AKAIN1: variants seen among roughly 807,000 people sequenced by gnomAD.
AKAIN1 encodes A-kinase anchor protein inhibitor 1.
Under a neutral mutation model 3.7 loss-of-function variants are expected in AKAIN1, and 3 were observed. The ratio of observed to expected loss-of-function variants is 0.82; its 90% CI spans 0.37 to 2.12. AKAIN1 has a LOEUF of 2.12. AKAIN1 is among the 30% of genes most tolerant of loss of function. AKAIN1 has a pLI of 0.06. For synonymous variants in AKAIN1, 31 were observed against 30.8 expected (o/e 1.01, Z -0.02); for missense variants, 82 against 82.7 (o/e 0.99, Z 0.03).
chr18:5,143,556 C>G lies in AKAIN1; in HGVS notation c.*2006G>C, dbSNP rs2071032515. 6.6e-6 allele frequency among the ~76,000 whole-genome samples: 1 copy of G among 152,208 alleles called. No homozygotes were observed. Among genetic ancestry groups the G allele is most frequent in the African/African-American group, 2.4e-5 (1 of 41,460 alleles). ...CACAGTGAAGGGCCCATTAAGGAAGCACTTCCCCTGGTCATGATATCTAGG... is the reference window on the plus strand; with the variant it reads ...CACAGTGAAGGGCCCATTAAGGAAGGACTTCCCCTGGTCATGATATCTAGG... On this transcript the variant is annotated 3_prime_UTR_variant, in exon 2 of 2. Transcript: ENST00000434239.
At chr18:5,189,157 A>C (rs1437329079) in intron 1 of AKAIN1, among the ~76,000 whole-genome samples, 1 of 152,146 alleles carries the variant, frequency 6.6e-6, no homozygotes, top group African/African-American at 2.4e-5. Flanking sequence ...CTGTGCAGCA[A>C]GCCTGTGGAG....
chr18:5,170,626 T>C (rs2143347536), intron 1 of AKAIN1: 1 of 152,276 alleles, frequency 6.6e-6, no homozygotes, highest in Middle Eastern at 3.4e-3. Flanking sequence ...AGATTGTTTT[T>C]CAAAATGACC....
chr18:5,180,447 C>T (rs555746890), intron 1 of AKAIN1, among the ~76,000 whole-genome samples: 1 of 152,112 alleles, frequency 6.6e-6, no homozygotes, highest in Middle Eastern at 3.4e-3. Flanking sequence ...CGTGGTCATA[C>T]CAGTTCTTTC....
At chr18:5,185,976 C>T (rs979336456) in intron 1 of AKAIN1, among the ~76,000 whole-genome samples, 1 of 152,130 alleles carries the variant, frequency 6.6e-6, no homozygotes, top group African/African-American at 2.4e-5. Flanking sequence ...GGTATATATA[C>T]ACCATGGAAT....
chr18:5,161,142 C>T (rs2071136893), intron 1 of AKAIN1, among the ~76,000 whole-genome samples: 2 of 152,018 alleles, frequency 1.3e-5, no homozygotes, highest in South Asian at 4.1e-4. Flanking sequence ...ACTGGCTTCA[C>T]TTGGGAAAAT....
intron 1 of AKAIN1, among the ~76,000 whole-genome samples, chr18:5,184,883 C>G (rs2071278280): frequency 2.6e-5 from 4 of 152,012 alleles, no homozygotes; most frequent in South Asian, 2.1e-4. Flanking sequence ...TCCTGAATAG[C>G]CAAGGTAATC....
intron 1 of AKAIN1, among the ~76,000 whole-genome samples, chr18:5,182,050 C>T (rs551683305): frequency 1.3e-5 from 2 of 152,248 alleles, no homozygotes; most frequent in South Asian, 4.1e-4. Context: ...TTCAGATCAG[C>T]AAGATGGCCA....
intron 1 of AKAIN1, among the ~76,000 whole-genome samples, chr18:5,191,823 A>T (rs1331090329): frequency 2.0e-5 from 3 of 152,204 alleles, no homozygotes; most frequent in African/African-American, 7.2e-5. Flanking sequence ...ATCTTTGCAT[A>T]TACATAATGA....
At chr18:5,172,458 T>TA (rs1416012975) in intron 1 of AKAIN1, among the ~76,000 whole-genome samples, 2 of 151,992 alleles carry the variant, frequency 1.3e-5, no homozygotes, top group Non-Finnish European at 1.5e-5. Flanking sequence ...ATTAAAAATT[T>TA]AAAAAAAATT....
At chr18:5,177,454 G>T (rs980501711) in intron 1 of AKAIN1, among the ~76,000 whole-genome samples, 6 of 151,688 alleles carry the variant, frequency 4.0e-5, no homozygotes, top group Admixed American at 6.6e-5. Flanking sequence ...TATTTTTTAG[G>T]GGATGAAGAC....
At chr18:5,178,134 C>T (rs1189005168) in intron 1 of AKAIN1, among the ~76,000 whole-genome samples, 2 of 152,100 alleles carry the variant, frequency 1.3e-5, no homozygotes, top group Non-Finnish European at 2.9e-5. Context: ...GAGGACTGTA[C>T]ATCATCCACT....
At chr18:5,149,734 T>C (rs2071069802) in intron 1 of AKAIN1, among the ~76,000 whole-genome samples, 1 of 152,244 alleles carries the variant, frequency 6.6e-6, no homozygotes, top group Admixed American at 6.5e-5. Context: ...TGACTGACCT[T>C]TGCCATATCT....
At chr18:5,150,797 A>T (rs1264505370) in intron 1 of AKAIN1, among the ~76,000 whole-genome samples, 1 of 152,184 alleles carries the variant, frequency 6.6e-6, no homozygotes, top group African/African-American at 2.4e-5. Context: ...AATTGGTCTA[A>T]TTTCTTATGT....
rs553093719 is a variant in AKAIN1, at chr18:5,145,388, G to A, written c.*174C>T. The A allele has an allele frequency of 1.7e-4, 95 of 560,808 alleles. No individual in the cohort carries two copies. The highest frequency in any genetic ancestry group is 1.6e-3 in the South Asian group (57 of 35,178). The allele number at this position is 560,808 out of a possible 1,614,324, so 34.7% of individuals were successfully genotyped here. A position where few individuals can be genotyped will look rare whatever the true frequency, so the allele number is the denominator to read the frequency against. On this transcript the variant is annotated 3_prime_UTR_variant, in exon 2 of 2. Transcript: ENST00000434239. ...GCACTGCATAAATATGAACAGAATCGTCTAATGCACTTTTTCAAAACAGTG... is the reference window on the plus strand; with the variant it reads ...GCACTGCATAAATATGAACAGAATCATCTAATGCACTTTTTCAAAACAGTG...
chr18:5,161,886 G>T (rs2071141415), intron 1 of AKAIN1, among the ~76,000 whole-genome samples: 1 of 152,058 alleles, frequency 6.6e-6, no homozygotes, highest in Admixed American at 6.6e-5. Flanking sequence ...ACTCAGGTGT[G>T]ATCTATTACT....
intron 1 of AKAIN1, among the ~76,000 whole-genome samples, chr18:5,146,228 C>T (rs774497001): frequency 2.6e-5 from 4 of 152,226 alleles, no homozygotes; most frequent in East Asian, 1.9e-4. Context: ...GTTGCCCTTT[C>T]GCACCTTCCC....
chr18:5,194,596 T>C (rs1469514969), intron 1 of AKAIN1, among the ~76,000 whole-genome samples: 1 of 152,164 alleles, frequency 6.6e-6, no homozygotes, highest in East Asian at 1.9e-4. Flanking sequence ...AGGAGAATCA[T>C]TCAAAGGGAG....
intron 1 of AKAIN1, among the ~76,000 whole-genome samples, chr18:5,175,199 C>G (rs1455627781): frequency 6.6e-6 from 1 of 152,076 alleles, no homozygotes; most frequent in Non-Finnish European, 1.5e-5. Context: ...CCTTGCCTCC[C>G]CATTTGTATA....
chr18:5,196,993 T>C (rs292286), intron 1 of AKAIN1, 45 bp downstream of exon 1: 1,396,226 of 1,502,010 alleles, frequency 0.93, 649,411 homozygotes, highest in East Asian at 1. Flanking sequence ...TCCTCTACCC[T>C]GCTCCCCTCC....
Sources: gnomAD v4.1 joint callset for allele counts (sites outside exome capture counted in the v4.1 genomes callset) on GRCh38, gnomAD v4.1.1 for gene constraint, MANE v1.5 for transcripts, NCBI Gene and HGNC (gene_info 2026-07-23, HGNC 2026-07-21) for gene names.